NHSL2: variants seen among roughly 807,000 people sequenced by gnomAD.
The protein encoded by NHSL2 is NHS-like protein 2.
A neutral mutation model predicts 53.4 loss-of-function variants in NHSL2; 27 were observed. The observed-to-expected ratio is 0.51, with a 90% CI of 0.37 to 0.70. The LOEUF (loss-of-function observed/expected upper bound fraction) is 0.70, where lower values mean the gene tolerates loss of function less well. NHSL2 is among the 30% of genes least tolerant of loss of function. The pLI is 0.00. For missense variants in NHSL2, 892 were observed against 980.1 expected, an observed-to-expected ratio of 0.91 and a Z score of 1.20; for synonymous variants, 408 against 404.1, an observed-to-expected ratio of 1.01 and a Z score of -0.12.
chrX:71,974,964 A>G (rs920397378), intron 1 of NHSL2, among the ~76,000 whole-genome samples: 2 of 112,100 alleles, frequency 1.8e-5, no homozygotes, highest in African/African-American at 6.5e-5. Context: ...TTAAAGAAGT[A>G]TGGGACTCCA....
At chrX:71,982,566 G>A (rs1005292562) in intron 1 of NHSL2, among the ~76,000 whole-genome samples, 2 of 111,729 alleles carry the variant, frequency 1.8e-5, no homozygotes, top group Non-Finnish European at 3.8e-5. Flanking sequence ...CAACCTCCAG[G>A]GACGGGAGAG....
intron 1 of NHSL2, among the ~76,000 whole-genome samples, chrX:72,067,455 T>C (rs1426984861): frequency 1.8e-5 from 2 of 111,723 alleles, no homozygotes; most frequent in Non-Finnish European, 3.8e-5. Context: ...CATGGTCCTG[T>C]CTTTTCTAGC....
intron 1 of NHSL2, among the ~76,000 whole-genome samples, chrX:72,106,291 C>G: frequency 9.0e-6 from 1 of 111,233 alleles, no homozygotes; most frequent in South Asian, 3.7e-4. Flanking sequence ...CACAAAGGTT[C>G]TGAGTTTGCA....
At chrX:72,068,779 C>A (rs2042447501) in intron 1 of NHSL2, among the ~76,000 whole-genome samples, 1 of 111,848 alleles carries the variant, frequency 8.9e-6, no homozygotes, top group Non-Finnish European at 1.9e-5. Flanking sequence ...CTGTGAATCT[C>A]TGGGCTGCCA....
chrX:72,101,220 G>A (rs777908139), intron 1 of NHSL2, among the ~76,000 whole-genome samples: 1 of 110,334 alleles, frequency 9.1e-6, no homozygotes, highest in East Asian at 2.9e-4. Flanking sequence ...CAGCCATGGC[G>A]GCACAGCTTA....
chrX:71,946,384 T>C (rs771483598), intron 1 of NHSL2, among the ~76,000 whole-genome samples: 35 of 112,004 alleles, frequency 3.1e-4, no homozygotes, highest in African/African-American at 1.0e-3. Context: ...TCACTTCAAA[T>C]TGGGTCATGA....
At chrX:71,958,407 T>C (rs886303866) in intron 1 of NHSL2, among the ~76,000 whole-genome samples, 11 of 111,639 alleles carry the variant, frequency 9.9e-5, no homozygotes, top group African/African-American at 3.6e-4. Context: ...TCAGCTCTTA[T>C]CTGGGAACAA....
chrX:71,998,482 A>G (rs1190854041), intron 1 of NHSL2, among the ~76,000 whole-genome samples: 1 of 111,462 alleles, frequency 9.0e-6, no homozygotes, highest in Non-Finnish European at 1.9e-5. Flanking sequence ...CTCTGTTGAG[A>G]GTTGGCCTGT....
At chrX:71,972,503 T>C (rs2147859935) in intron 1 of NHSL2, among the ~76,000 whole-genome samples, 1 of 112,530 alleles carries the variant, frequency 8.9e-6, no homozygotes, top group South Asian at 3.7e-4. Context: ...TCCTTGTACA[T>C]GATGGATAAG....
intron 1 of NHSL2, among the ~76,000 whole-genome samples, chrX:72,093,764 TTC>T (rs772961836): frequency 3.7e-5 from 4 of 108,835 alleles, no homozygotes; most frequent in African/African-American, 6.7e-5. Flanking sequence ...CTTTCTTTCT[TTC>T]TTTCTTTCTT....
At chrX:72,076,178 C>A (rs1218605715) in intron 1 of NHSL2, among the ~76,000 whole-genome samples, 1 of 111,260 alleles carries the variant, frequency 9.0e-6, no homozygotes, top group African/African-American at 3.3e-5. Context: ...GGTGATCTGC[C>A]TGCCTTGGCC....
At position 72,152,901 on chromosome X, in the gene NHSL2, G is replaced by A. The variant is rs2042526667; in HGVS notation, c.*9327G>A. On this transcript the variant is annotated 3_prime_UTR_variant, in exon 8 of 8. Coordinates refer to ENST00000633930, the MANE Select transcript of NHSL2 (RefSeq NM_001013627.3). ...GCCAGTCCTAGTATGCAGTCAAGAG[G>A]TGGACTTTTGTTAAGTTAGCCCTTA... The A allele has an allele frequency of 8.9e-6, 1 of 112,187 alleles. No homozygotes were observed. Among genetic ancestry groups the A allele is most frequent in the South Asian group, 3.7e-4 (1 of 2,731 alleles). The allele number at this position is 112,187 out of a possible 1,213,427, so 9.2% of individuals were successfully genotyped here.
chrX:72,090,006 G>C (rs1316466971), intron 1 of NHSL2, among the ~76,000 whole-genome samples: 4 of 111,463 alleles, frequency 3.6e-5, no homozygotes, highest in Non-Finnish European at 7.5e-5. Context: ...GAATATGCCT[G>C]CATGTGTGTT....
intron 1 of NHSL2, among the ~76,000 whole-genome samples, chrX:72,093,712 A>AGCTTGCTTGCTTGCTTGCTTGCTTGCTT (rs747248899): frequency 2.4e-3 from 169 of 71,530 alleles, no homozygotes; most frequent in Admixed American, 6.0e-3. Flanking sequence ...CCCCTAGTAT[A>AGCTTGCTTGCTTGCTTGCTTGCTTGCTT]GCTTGCTTGC....
At chrX:71,957,172 T>C (rs1275929666) in intron 1 of NHSL2, among the ~76,000 whole-genome samples, 4 of 112,149 alleles carry the variant, frequency 3.6e-5, no homozygotes, top group African/African-American at 9.7e-5. Flanking sequence ...ATCTTGGGAT[T>C]AGGAGGGACC....
chrX:72,077,197 A>C lies in NHSL2; in HGVS notation c.281-54882A>C, dbSNP rs761457314. Among the ~76,000 whole-genome samples, 23 of 110,124 alleles carry C rather than the reference A, an allele frequency of 2.1e-4. No homozygotes were observed. In the East Asian group the frequency reaches 6.0e-3, roughly 29 times the overall value. On this transcript the variant is annotated intron_variant, in intron 1 of 7. Coordinates refer to ENST00000633930, the MANE Select transcript of NHSL2 (RefSeq NM_001013627.3). ...CTGGGGCCCTGCTTCTGCTTCTGGG[A>C]CCTGGCTTTGGGGGTTTCTAGCTTC...
chrX:72,005,405 C>G (rs2042090126), intron 1 of NHSL2, among the ~76,000 whole-genome samples: 1 of 112,493 alleles, frequency 8.9e-6, no homozygotes, highest in African/African-American at 3.2e-5. Context: ...GGTGAAAGTA[C>G]TATTGTTGCT....
At chrX:71,988,117 G>C in intron 1 of NHSL2, among the ~76,000 whole-genome samples, 1 of 112,238 alleles carries the variant, frequency 8.9e-6, no homozygotes, top group South Asian at 3.7e-4. Context: ...GAGAAAGAAA[G>C]AGAGAAAAAC....
intron 1 of NHSL2, chrX:72,130,993 C>G: frequency 8.3e-7 from 1 of 1,211,370 alleles, no homozygotes; most frequent in Admixed American, 2.2e-5. Flanking sequence ...CTCGGCGCCC[C>G]CGGGGAAATG....
Sources: gnomAD v4.1 joint callset for allele counts (sites outside exome capture counted in the v4.1 genomes callset) on GRCh38, gnomAD v4.1.1 for gene constraint, MANE v1.5 for transcripts, NCBI Gene and HGNC (gene_info 2026-07-23, HGNC 2026-07-21) for gene names.